The following SGTB variants were observed in gnomAD, a reference collection of about 807,000 sequenced individuals.
SGTB encodes small glutamine-rich tetratricopeptide repeat-containing protein beta.
In SGTB, 19 loss-of-function variants were observed where a neutral mutation model predicts 43.9. That is an observed-to-expected ratio of 0.43 (90% CI 0.30 to 0.63). The LOEUF (loss-of-function observed/expected upper bound fraction) is 0.63, where lower values mean the gene tolerates loss of function less well. SGTB is among the 30% of genes least tolerant of loss of function. The pLI, the probability that SGTB is intolerant of heterozygous loss-of-function variation, is 0.12. For missense variants in SGTB, 304 were observed against 358.9 expected (o/e 0.85, Z 1.24); for synonymous variants, 116 against 117.3 (o/e 0.99, Z 0.07).
At chr5:65,719,307 G>T (rs1234540369) in intron 2 of SGTB, among the ~76,000 whole-genome samples, 3 of 152,256 alleles carry the variant, frequency 2.0e-5, no homozygotes, top group African/African-American at 7.2e-5. Flanking sequence ...TAAGACTTTG[G>T]GGCTGGGAGG....
At chr5:65,705,899 G>C (rs181164105) in intron 4 of SGTB, among the ~76,000 whole-genome samples, 1 of 151,686 alleles carries the variant, frequency 6.6e-6, no homozygotes, top group African/African-American at 2.4e-5. Flanking sequence ...TAGCTGGGGT[G>C]GTGGTGTGTG....
At position 65,666,483 on chromosome 5, in the gene SGTB, C is replaced by T. The variant is rs1278818170; in HGVS notation, c.*3763G>A. ...AGAAATATGGTTAATGGAAGTCAAA[C>T]ATTTAGTACGATGCTTAAAGAGTTA... On this transcript the variant is annotated 3_prime_UTR_variant, in exon 11 of 11. Coordinates refer to ENST00000381007, the MANE Select transcript of SGTB (RefSeq NM_019072.3). 6.6e-6 allele frequency: 1 copy of T among 152,140 alleles called. No homozygotes were observed. The allele number at this position is 152,140 out of a possible 1,614,324, so 9.4% of individuals were successfully genotyped here. A position where few individuals can be genotyped will look rare whatever the true frequency, so the allele number is the denominator to read the frequency against.
chr5:65,685,256 C>T (rs1757476456), intron 6 of SGTB, 112 bp downstream of exon 6: 11 of 810,352 alleles, frequency 1.4e-5, no homozygotes, highest in South Asian at 9.9e-5. Flanking sequence ...TTTATTTATC[C>T]TCTTATTAGT....
intron 5 of SGTB, among the ~76,000 whole-genome samples, chr5:65,699,711 G>A (rs1454533506): frequency 6.6e-6 from 1 of 152,210 alleles, no homozygotes; most frequent in Admixed American, 6.5e-5. Flanking sequence ...ATCCGCCTCA[G>A]CCTTCCAAAG....
Position 65,670,390 on chromosome 5 carries a change from G to T in SGTB, c.804-33C>A, listed in dbSNP as rs1320144650. On this transcript the variant is annotated intron_variant, in intron 10 of 10. Coordinates refer to ENST00000381007, the MANE Select transcript of SGTB (RefSeq NM_019072.3). Reference sequence around the variant, plus strand: ...AAAGAGGCAATGTGGTTTGAATAGGGAATTGCCAGTCACATTTACCCACGC... The same window carrying T: ...AAAGAGGCAATGTGGTTTGAATAGGTAATTGCCAGTCACATTTACCCACGC... 2.6e-6 allele frequency: 4 copies of T among 1,556,280 alleles called. No individual in the cohort carries two copies. The Admixed American group carries it at 6.8e-5, about 26-fold the overall frequency.
chr5:65,686,413 G>C (rs1281065890), intron 5 of SGTB, among the ~76,000 whole-genome samples: 1 of 152,094 alleles, frequency 6.6e-6, no homozygotes, highest in Non-Finnish European at 1.5e-5. Context: ...ACAGACAAGA[G>C]TCTCACGCCA....
At chr5:65,691,683 G>C (rs778973729) in intron 5 of SGTB, among the ~76,000 whole-genome samples, 24 of 148,556 alleles carry the variant, frequency 1.6e-4, no homozygotes, top group Non-Finnish European at 3.3e-4. Context: ...CCTCACGCCT[G>C]TAATCCCAGC....
Position 65,687,313 on chromosome 5 carries a change from T to C in SGTB, c.375-1841A>G, listed in dbSNP as rs116377780. ...ATAAGCATTCATTAAAGTTATGCTG[T>C]ATAAGGAGCACAACCTTCCAGACAA... On this transcript the variant is annotated intron_variant, in intron 5 of 10. Coordinates refer to ENST00000381007, the MANE Select transcript of SGTB (RefSeq NM_019072.3). Among the ~76,000 whole-genome samples the C allele has an allele frequency of 2.2e-3, 335 of 152,316 alleles. 4 individuals carry two copies. Among genetic ancestry groups the C allele is most frequent in the African/African-American group, 8.0e-3 (331 of 41,566 alleles).
intron 3 of SGTB, among the ~76,000 whole-genome samples, chr5:65,710,778 T>A (rs1287493687): frequency 6.6e-6 from 1 of 151,846 alleles, no homozygotes. Context: ...GATCATGAGG[T>A]CAGGAGTTCA....
At chr5:65,683,685 G>GCTGGGCGCAGTGGCTAACA (rs1457159048) in intron 6 of SGTB, among the ~76,000 whole-genome samples, 6 of 20,550 alleles carry the variant, frequency 2.9e-4, no homozygotes, top group South Asian at 1.6e-3. Context: ...GTTAATAGTG[G>GCTGGGCGCAGTGGCTAACA]CCTGTAATCC....
chr5:65,673,329 T>G (rs979159444), intron 8 of SGTB, among the ~76,000 whole-genome samples: 2 of 152,182 alleles, frequency 1.3e-5, no homozygotes, highest in African/African-American at 4.8e-5. Context: ...ATTGACTGCT[T>G]TGTTTCCTAT....
At chr5:65,685,004 G>T (rs1277145108) in intron 6 of SGTB, among the ~76,000 whole-genome samples, 1 of 152,194 alleles carries the variant, frequency 6.6e-6, no homozygotes, top group Admixed American at 6.5e-5. Flanking sequence ...TCAGTTGAGA[G>T]TCACCAGAGA....
chr5:65,690,615 A>G (rs1239250511), intron 5 of SGTB, among the ~76,000 whole-genome samples: 1 of 152,242 alleles, frequency 6.6e-6, no homozygotes, highest in Non-Finnish European at 1.5e-5. Context: ...GCTGATGTAG[A>G]AACACTAATA....
At chr5:65,689,597 C>G (rs1006488989) in intron 5 of SGTB, among the ~76,000 whole-genome samples, 1 of 152,118 alleles carries the variant, frequency 6.6e-6, no homozygotes, top group Non-Finnish European at 1.5e-5. Flanking sequence ...TCCATTTGTT[C>G]TTCTCTAAAT....
At chr5:65,672,424 G>A in intron 8 of SGTB, 143 bp from the exon 9 acceptor site, 4 of 999,018 alleles carry the variant, frequency 4.0e-6, no homozygotes, top group Admixed American at 2.4e-5. Context: ...CAAAGTAAAG[G>A]GGAATGTAAA....
At chr5:65,677,587 C>T (rs1757307944) in intron 8 of SGTB, among the ~76,000 whole-genome samples, 1 of 152,054 alleles carries the variant, frequency 6.6e-6, no homozygotes, top group Non-Finnish European at 1.5e-5. Flanking sequence ...TACAAAAATC[C>T]TCAGCAAAAT....
At chr5:65,722,269 G>T (rs553942617), upstream of SGTB, 166 of 851,352 alleles carry the variant, frequency 1.9e-4, no homozygotes, top group African/African-American at 2.7e-3. Context: ...TGGCCTCTGC[G>T]GCTAGGCCGG....
At chr5:65,705,200 T>G (rs1344327352) in intron 4 of SGTB, among the ~76,000 whole-genome samples, 2 of 151,964 alleles carry the variant, frequency 1.3e-5, no homozygotes, top group Non-Finnish European at 2.9e-5. Flanking sequence ...CCCAACACTT[T>G]GGGAAGTGAA....
chr5:65,701,548 C>T lies in SGTB; in HGVS notation c.374+2731G>A, dbSNP rs953130979. On this transcript the variant is annotated intron_variant, in intron 5 of 10. Coordinates refer to ENST00000381007, the MANE Select transcript of SGTB (RefSeq NM_019072.3). The stretch of plus-strand genomic sequence containing the variant: ...AACATTAAAAGGCAAATAAGACACA[C>T]GGATTTTTGTTCTATATCTTTAATA... Among the ~76,000 whole-genome samples, 4 of 151,738 alleles carry T rather than the reference C, an allele frequency of 2.6e-5. No homozygotes were observed. In the East Asian group the frequency reaches 7.7e-4, roughly 29 times the overall value.
Sources: allele counts gnomAD v4.1 joint callset (sites outside exome capture counted in the v4.1 genomes callset), GRCh38; gene constraint gnomAD v4.1.1; transcripts MANE v1.5; gene names NCBI Gene and HGNC (gene_info 2026-07-23, HGNC 2026-07-21).